The following USH1C variants were observed in gnomAD, a reference collection of about 807,000 sequenced individuals.
The protein encoded by USH1C is USH1 protein network component harmonin, also known as harmonin.
Under a neutral mutation model 119.3 loss-of-function variants are expected in USH1C, and 90 were observed. That is an observed-to-expected ratio of 0.75 (90% CI 0.64 to 0.90). The LOEUF is 0.90. Among genes scored for constraint, USH1C ranks in the 40% least tolerant of loss-of-function variants. The probability of loss-of-function intolerance (pLI) is 0.00; values close to 1 mark genes in which losing one functional copy is unlikely to be tolerated. For missense variants in USH1C, 1,165 were observed against 1,167.7 expected, an observed-to-expected ratio of 1.00 and a Z score of 0.03; for synonymous variants, 465 against 443.3, an observed-to-expected ratio of 1.05 and a Z score of -0.62.
At chr11:17,495,806 G>A (rs1192666375) in intron 25 of USH1C, 129 bp from the exon 26 acceptor site, 1 of 963,392 alleles carries the variant, frequency 1.0e-6, no homozygotes, top group Admixed American at 2.1e-5. Context: ...CCAGAATTAG[G>A]AGCTGCGAGA....
chr11:17,526,446 A>G lies in USH1C; in HGVS notation c.580-5T>C, dbSNP rs776831272. The G allele has an allele frequency of 3.7e-6, 6 of 1,613,486 alleles. No homozygotes were observed. Among genetic ancestry groups the G allele is most frequent in the Non-Finnish European group, 5.1e-6 (6 of 1,179,640 alleles). On this transcript the variant is annotated splice_polypyrimidine_tract_variant and splice_region_variant and intron_variant, in intron 7 of 26. Transcript: ENST00000005226. ...GCCCAGGCTGCCTCGCACGCCCTGA[A>G]AGAGAGATAGAAGCAGAATCACGGA...
chr11:17,531,079 G>A lies in USH1C; in HGVS notation c.387+75C>T. On this transcript the variant is annotated intron_variant, in intron 4 of 26. Transcript: ENST00000005226. The surrounding 1 kb of genome is among the most constrained non-coding windows in gnomAD (Gnocchi z 4.2). ...GTGGGTGACCATGTTGTGCCACACA[G>A]CCTAGTGGATGAATGAGGGGGAGGC... 2 of 1,607,404 alleles carry A rather than the reference G, an allele frequency of 1.2e-6. No homozygotes were observed. The highest frequency in any genetic ancestry group is 2.2e-5 in the South Asian group (2 of 90,488).
At chr11:17,501,361 G>T in intron 22 of USH1C, 121 bp downstream of exon 22, 1 of 1,216,696 alleles carries the variant, frequency 8.2e-7, no homozygotes, top group Non-Finnish European at 1.2e-6. Context: ...GGAGAGGGGA[G>T]GACAGTGGGG....
At chr11:17,508,161 G>C (rs918058837) in intron 18 of USH1C, among the ~76,000 whole-genome samples, 8 of 152,222 alleles carry the variant, frequency 5.3e-5, no homozygotes, top group Non-Finnish European at 1.2e-4. Context: ...GTTGTGCAAG[G>C]CTAACTCAGC....
At position 17,527,005 on chromosome 11, in the gene USH1C, G is replaced by C; in HGVS notation, c.521+11C>G. 1 of 1,564,226 alleles carries C rather than the reference G, an allele frequency of 6.4e-7. No individual in the cohort carries two copies. The highest frequency in any genetic ancestry group is 8.7e-7 in the Non-Finnish European group (1 of 1,153,288). On this transcript the variant is annotated intron_variant, in intron 6 of 26. Transcript: ENST00000005226. ...AGGGAAGAGTTGGCCTGCAGAGGAG[G>C]GGCCTCTCACCTTTTCACGGGGATC... is the stretch of plus-strand genomic sequence containing the variant.
At chr11:17,507,505 A>G (rs1164467868) in intron 18 of USH1C, among the ~76,000 whole-genome samples, 1 of 152,154 alleles carries the variant, frequency 6.6e-6, no homozygotes, top group African/African-American at 2.4e-5. Context: ...TTGCAGCTTC[A>G]CCCAAATTTT....
chr11:17,532,881 C>A (rs1851050178), intron 2 of USH1C, among the ~76,000 whole-genome samples: 1 of 152,096 alleles, frequency 6.6e-6, no homozygotes, highest in Non-Finnish European at 1.5e-5. Flanking sequence ...AAAAATGAAT[C>A]AAAAAGCAAG....
At chr11:17,541,151 G>A (rs1565075399) in intron 1 of USH1C, among the ~76,000 whole-genome samples, 1 of 152,172 alleles carries the variant, frequency 6.6e-6, no homozygotes, top group Admixed American at 6.5e-5. Flanking sequence ...TCTTCAGAGA[G>A]GCCTTCGTGA....
rs990019991 is a variant in USH1C at position 17,500,915 on chromosome 11, A to G, written c.2380+136T>C. 4.9e-5 allele frequency: 37 copies of G among 756,770 alleles called. 1 individual carries two copies. Among genetic ancestry groups the G allele is most frequent in the Middle Eastern group, 3.5e-4 (1 of 2,838 alleles). The allele number at this position is 756,770 out of a possible 1,614,324, so 46.9% of individuals were successfully genotyped here. ...CCCCAGGGATTGGACAGGCAGTCGG[A>G]TGGATGGACCCGAGTGGGAGGGCAT... On this transcript the variant is annotated intron_variant, in intron 23 of 26. Transcript: ENST00000005226.
Position 17,493,921 on chromosome 11 carries a change from T to C in USH1C, c.*411A>G. 3.7e-6 allele frequency: 1 copy of C among 267,460 alleles called. No individual in the cohort carries two copies. The highest frequency in any genetic ancestry group is 7.3e-6 in the Non-Finnish European group (1 of 136,140). 16.6% of individuals were successfully genotyped at this position (267,460 alleles called of 1,614,324 possible). ...AAGCTGGAAAATAAATCTATTTTAT[T>C]AATGAGCTCAGAGTAAGGTTTGGAG... On this transcript the variant is annotated 3_prime_UTR_variant, in exon 27 of 27. Transcript: ENST00000005226.
rs1849227014 is a variant in USH1C, at chr11:17,495,770, C to T, written c.2547-93G>A. On this transcript the variant is annotated intron_variant, in intron 25 of 26. Transcript: ENST00000005226. ...GCTTCTCCTTTCACTGGGCTCCTGC[C>T]TCGGGTTCTGCCTAGCCCCTGGGTT... The T allele has an allele frequency of 1.9e-5, 26 of 1,384,036 alleles. No homozygotes were observed. The South Asian group carries it at 2.8e-4, about 15-fold the overall frequency. The allele number at this position is 1,384,036 out of a possible 1,614,324, so 85.7% of individuals were successfully genotyped here.
chr11:17,525,245 T>C lies in USH1C; in HGVS notation c.675-710A>G, dbSNP rs750882520. Among the ~76,000 whole-genome samples, 46 of 152,218 alleles carry C rather than the reference T, an allele frequency of 3.0e-4. 1 individual carries two copies. The highest frequency in any genetic ancestry group is 5.1e-4 in the Non-Finnish European group (35 of 68,032). ...TAGAGATGGCACCTATTTGCCATCCTGGACGCAGAATGTAGTCCCGTTCGA... is the reference window on the plus strand; with the variant it reads ...TAGAGATGGCACCTATTTGCCATCCCGGACGCAGAATGTAGTCCCGTTCGA... On this transcript the variant is annotated intron_variant, in intron 8 of 26. Coordinates refer to ENST00000005226, the MANE Select transcript of USH1C (RefSeq NM_153676.4).
chr11:17,530,125 T>C (rs1008658498), intron 4 of USH1C, among the ~76,000 whole-genome samples: 5 of 152,226 alleles, frequency 3.3e-5, no homozygotes, highest in African/African-American at 1.2e-4. Flanking sequence ...CACAGTGTCT[T>C]GTACCATTAG....
Position 17,526,344 on chromosome 11 carries a change from C to T in USH1C, c.674+3G>A. Reference sequence around the variant, plus strand: ...ATGACCCCAGGGCATGCCTGCCACCCACCTGCAGCCAAGGCCTCGGGAGCC... The same window carrying T: ...ATGACCCCAGGGCATGCCTGCCACCTACCTGCAGCCAAGGCCTCGGGAGCC... On this transcript the variant is annotated splice_donor_region_variant and intron_variant, in intron 8 of 26. Transcript: ENST00000005226. 1 of 1,613,158 alleles carries T rather than the reference C, an allele frequency of 6.2e-7. No individual in the cohort carries two copies. The highest frequency in any genetic ancestry group is 8.5e-7 in the Non-Finnish European group (1 of 1,179,440).
intron 20 of USH1C, among the ~76,000 whole-genome samples, chr11:17,504,088 G>A (rs1194115115): frequency 3.3e-5 from 5 of 152,190 alleles, no homozygotes; most frequent in African/African-American, 1.2e-4. Context: ...CAGGAGGCAG[G>A]GAGGTAGGTG....
chr11:17,523,591 G>A, intron 9 of USH1C, 113 bp from the exon 10 acceptor site: 3 of 986,500 alleles, frequency 3.0e-6, no homozygotes, highest in South Asian at 1.4e-5. Context: ...TCAAGTGGCA[G>A]TACCTCAGCT....
chr11:17,504,815 G>A lies in USH1C; in HGVS notation c.2134-118C>T, dbSNP rs577407170. 2.4e-5 allele frequency: 25 copies of A among 1,029,870 alleles called. No homozygotes were observed. The South Asian group carries it at 3.0e-4, about 13-fold the overall frequency. 63.8% of individuals were successfully genotyped at this position (1,029,870 alleles called of 1,614,324 possible). ...GGCTGCCGTGCCAATGTCCCTCCCC[G>A]AGCAGTCTGGCTTACGTTAAAGGCC... On this transcript the variant is annotated intron_variant, in intron 19 of 26. Coordinates refer to ENST00000005226, the MANE Select transcript of USH1C (RefSeq NM_153676.4).
intron 18 of USH1C, 37 bp from the exon 19 acceptor site, chr11:17,505,986 A>G (rs987522368): frequency 1.2e-6 from 2 of 1,613,928 alleles, no homozygotes; most frequent in Non-Finnish European, 1.7e-6. Context: ...AGGTGAGGTC[A>G]TGGTGGGGTG....
chr11:17,543,146 C>T (rs2133968972), intron 1 of USH1C, among the ~76,000 whole-genome samples: 1 of 152,344 alleles, frequency 6.6e-6, no homozygotes, highest in South Asian at 2.1e-4. Flanking sequence ...GAATAACTGA[C>T]CCCGGGCCCT....
Sources: gnomAD v4.1 joint callset for allele counts (sites outside exome capture counted in the v4.1 genomes callset) on GRCh38, gnomAD v4.1.1 for gene constraint, Gnocchi (gnomAD v3.1) non-coding constraint, MANE v1.5 for transcripts, NCBI Gene and HGNC (gene_info 2026-07-23, HGNC 2026-07-21) for gene names.